SLC17A5: variants seen among roughly 807,000 people sequenced by gnomAD.
SLC17A5 encodes the protein sialin.
Under a neutral mutation model 59.4 loss-of-function variants are expected in SLC17A5, and 47 were observed. The ratio of observed to expected loss-of-function variants is 0.79; its 90% CI spans 0.63 to 1.01. The LOEUF is 1.01. Ranked by LOEUF, SLC17A5 falls within the 50% of genes least tolerant of loss-of-function variation. The pLI, the probability that SLC17A5 is intolerant of heterozygous loss-of-function variation, is 0.00. For synonymous variants in SLC17A5, 202 were observed against 210.7 expected, an observed-to-expected ratio of 0.96 and a Z score of 0.36; for missense variants, 522 against 595.5, an observed-to-expected ratio of 0.88 and a Z score of 1.28.
chr6:73,601,058 G>A (rs1767045294), intron 9 of SLC17A5, among the ~76,000 whole-genome samples: 1 of 150,492 alleles, frequency 6.6e-6, no homozygotes, highest in African/African-American at 2.5e-5. Context: ...GGAAAGTGAG[G>A]AGCGTCTCTG....
intron 8 of SLC17A5, among the ~76,000 whole-genome samples, chr6:73,612,678 G>C (rs1767683564): frequency 6.6e-6 from 1 of 152,074 alleles, no homozygotes; most frequent in Non-Finnish European, 1.5e-5. Context: ...AGGCTCAAGA[G>C]ATTTTCTCAC....
At chr6:73,601,525 CCGCCCGGCCAGCCAACCCG>C (rs2150077605) in intron 9 of SLC17A5, among the ~76,000 whole-genome samples, 1 of 116,988 alleles carries the variant, frequency 8.5e-6, no homozygotes, top group African/African-American at 3.8e-5. Context: ...GGTCAGCCCC[CCGCCCGGCCAGCCAACCCG>C]TCCGGGAGGT....
At chr6:73,650,302 G>A (rs140504767) in intron 1 of SLC17A5, among the ~76,000 whole-genome samples, 320 of 151,632 alleles carry the variant, frequency 2.1e-3, no homozygotes, top group African/African-American at 7.4e-3. Flanking sequence ...GTGGTCAGGA[G>A]ATCGAGACCA....
At chr6:73,641,612 A>G in intron 3 of SLC17A5, 79 bp downstream of exon 3, 1 of 1,110,316 alleles carries the variant, frequency 9.0e-7, no homozygotes, top group East Asian at 2.4e-5. Flanking sequence ...GTTCATATTC[A>G]TACCAAAGAA....
chr6:73,622,594 T>G lies in SLC17A5; in HGVS notation c.820-632A>C, dbSNP rs372656286. Among the ~76,000 whole-genome samples the G allele has an allele frequency of 3.9e-5, 6 of 152,204 alleles. No homozygotes were observed. The East Asian group carries it at 5.8e-4, about 15-fold the overall frequency. On this transcript the variant is annotated intron_variant, in intron 6 of 10. Transcript: ENST00000355773. ...CGTGAGCCACCGTGCCCGGCCTGAA[T>G]TCTCTATTTCTAAAATATAGTTTCA...
chr6:73,623,821 C>T (rs995808614), intron 6 of SLC17A5, among the ~76,000 whole-genome samples: 1 of 151,826 alleles, frequency 6.6e-6, no homozygotes, highest in Non-Finnish European at 1.5e-5. Context: ...CCTCAGCCTC[C>T]TGAGTAGCTG....
chr6:73,633,875 G>A (rs759870122), intron 6 of SLC17A5, among the ~76,000 whole-genome samples: 8 of 149,906 alleles, frequency 5.3e-5, no homozygotes, highest in Admixed American at 1.3e-4. Flanking sequence ...GCGAAACTCC[G>A]TCTAAAAAAA....
At chr6:73,642,452 A>AT (rs1193755078) in intron 2 of SLC17A5, among the ~76,000 whole-genome samples, 1 of 152,254 alleles carries the variant, frequency 6.6e-6, no homozygotes, top group Non-Finnish European at 1.5e-5. Context: ...AAATAGGCAC[A>AT]TAAAATAAGG....
rs144593775 is a variant in SLC17A5, at chr6:73,595,163, C to G, written c.1402G>C (p.Val468Leu). ...TVFYIAAAINVFGAIFFTLFA... is the reference protein window; with the variant it reads ...TVFYIAAAINLFGAIFFTLFA... ...AGTGTAAAGAAAATGGCACCAAAAA[C>G]ATTAATAGCAGCAGCAATATAGAAC... The change falls in exon 11 of 11, where the codon GTT (valine) becomes CTT (leucine). Residue 468 changes from valine (V) to leucine (L), a missense_variant. This residue lies in a region of SLC17A5 where 153 missense variants were observed against 168.5 expected (regional missense o/e 0.91). Coordinates refer to ENST00000355773, the MANE Select transcript of SLC17A5 (RefSeq NM_012434.5). 1.2e-6 allele frequency: 2 copies of G among 1,614,106 alleles called. No individual in the cohort carries two copies. The highest frequency in any genetic ancestry group is 2.7e-5 in the African/African-American group (2 of 75,042).
rs560625680 is a variant in SLC17A5 at position 73,631,233 on chromosome 6, T to A, written c.819+4149A>T. 5.6e-4 allele frequency among the ~76,000 whole-genome samples: 83 copies of A among 148,998 alleles called. 1 individual carries two copies. The South Asian group carries it at 0.017, about 31-fold the overall frequency. ...CTGAGATCACCCCACTGCATGACAG[T>A]CCGGGAGACAGAGCGAGACCCTGTC... On this transcript the variant is annotated intron_variant, in intron 6 of 10. Coordinates refer to ENST00000355773, the MANE Select transcript of SLC17A5 (RefSeq NM_012434.5).
At chr6:73,641,480 C>T (rs1769281833) in intron 3 of SLC17A5, among the ~76,000 whole-genome samples, 1 of 152,080 alleles carries the variant, frequency 6.6e-6, no homozygotes, top group Non-Finnish European at 1.5e-5. Context: ...AGTAAAGGTT[C>T]CAATTTCGGG....
intron 1 of SLC17A5, chr6:73,645,256 AG>A: frequency 1.1e-6 from 1 of 908,346 alleles, no homozygotes; most frequent in South Asian, 5.1e-5. Context: ...TGCCAAGGGT[AG>A]GGCATGAAAT....
At position 73,595,181 on chromosome 6, in the gene SLC17A5, T is replaced by C. The variant is rs1281962312; in HGVS notation, c.1384A>G (p.Ile462Val). The change falls in exon 11 of 11, where the codon ATT becomes GTT. Residue 462 changes from isoleucine to valine, a missense_variant. By Grantham distance (29) the Ile-to-Val change is conservative. Transcript: ENST00000355773. ...CCAAAAACATTAATAGCAGCAGCAA[T>C]ATAGAACACGGTTTGCCATTCTCCA... ...TVGEWQTVFY[I>V]AAAINVFGAI... 4 of 1,614,146 alleles carry C rather than the reference T, an allele frequency of 2.5e-6. No individual in the cohort carries two copies. Among genetic ancestry groups the C allele is most frequent in the Non-Finnish European group, 3.4e-6 (4 of 1,180,012 alleles).
chr6:73,602,530 T>C (rs895618994), intron 9 of SLC17A5, among the ~76,000 whole-genome samples: 5 of 152,140 alleles, frequency 3.3e-5, no homozygotes, highest in Non-Finnish European at 5.9e-5. Context: ...ATCCCAGCAC[T>C]TTGGGAGGCC....
chr6:73,612,049 G>T (rs1267683147), intron 8 of SLC17A5, among the ~76,000 whole-genome samples: 4 of 151,764 alleles, frequency 2.6e-5, no homozygotes, highest in Admixed American at 2.6e-4. Context: ...GTCGCATTCT[G>T]TTACCCAGGC....
At chr6:73,636,552 C>A in intron 5 of SLC17A5, 69 bp downstream of exon 5, 1 of 883,520 alleles carries the variant, frequency 1.1e-6, no homozygotes, top group Admixed American at 1.9e-5. Flanking sequence ...ATTTTTAAAA[C>A]ATTATTAGGC....
chr6:73,636,066 CTT>C (rs1461168155), intron 5 of SLC17A5, among the ~76,000 whole-genome samples: 3 of 152,144 alleles, frequency 2.0e-5, no homozygotes, highest in African/African-American at 7.2e-5. Flanking sequence ...AACCACATGA[CTT>C]TGCCTATCAG....
chr6:73,628,891 C>T (rs886684415), intron 6 of SLC17A5, among the ~76,000 whole-genome samples: 2 of 145,596 alleles, frequency 1.4e-5, no homozygotes, highest in Non-Finnish European at 3.0e-5. Flanking sequence ...TTCTAATATG[C>T]CATTTAAAAA....
At chr6:73,650,021 G>A (rs1769770887) in intron 1 of SLC17A5, among the ~76,000 whole-genome samples, 1 of 152,014 alleles carries the variant, frequency 6.6e-6, no homozygotes. Context: ...CGAGATGGAT[G>A]TGATGACAAA....
Sources: allele counts gnomAD v4.1 joint callset (sites outside exome capture counted in the v4.1 genomes callset), GRCh38; gene constraint gnomAD v4.1.1; regional missense constraint gnomAD v4.1.1; transcripts MANE v1.5; gene names NCBI Gene and HGNC (gene_info 2026-07-23, HGNC 2026-07-21).